The following COA1 variants were observed in gnomAD, a reference collection of about 807,000 sequenced individuals.
COA1 encodes cytochrome c oxidase assembly factor 1.
COA1 carries 13 observed loss-of-function variants against 16.0 expected under a neutral mutation model. The observed-to-expected ratio is 0.81, with a 90% CI of 0.53 to 1.29. The LOEUF is 1.29. COA1 is among the 50% of genes most tolerant of loss of function. The pLI, the probability that COA1 is intolerant of heterozygous loss-of-function variation, is 0.00. For synonymous variants in COA1, 65 were observed against 65.7 expected (o/e 0.99, Z 0.05); for missense variants, 179 against 177.0 (o/e 1.01, Z -0.06).
At chr7:43,611,574 G>A (rs2082881197) in intron 6 of COA1, among the ~76,000 whole-genome samples, 1 of 152,140 alleles carries the variant, frequency 6.6e-6, no homozygotes, top group East Asian at 1.9e-4. Flanking sequence ...TGCATAAGAA[G>A]TTCAAAGATC....
At chr7:43,613,717 G>A (rs10215302) in intron 6 of COA1, among the ~76,000 whole-genome samples, 22,987 of 152,008 alleles carry the variant, frequency 0.15, 2,196 homozygotes, top group Non-Finnish European at 0.21. Context: ...GGTGGCACGC[G>A]CCTTTAGTCC....
chr7:43,692,435 T>C (rs1585075801), intron 1 of COA1, among the ~76,000 whole-genome samples: 4 of 151,992 alleles, frequency 2.6e-5, no homozygotes, highest in South Asian at 4.1e-4. Context: ...GGAAGATCGA[T>C]TGAGCCCAGG....
chr7:43,704,651 A>G (rs2094897831), intron 1 of COA1, among the ~76,000 whole-genome samples: 1 of 152,056 alleles, frequency 6.6e-6, no homozygotes, highest in African/African-American at 2.4e-5. Context: ...GTAAATTTTC[A>G]TTTCTGGAAG....
At chr7:43,637,094 T>G (rs919985096), downstream of COA1, among the ~76,000 whole-genome samples, 2 of 152,192 alleles carry the variant, frequency 1.3e-5, no homozygotes, top group Non-Finnish European at 2.9e-5. Flanking sequence ...GTGCTCTCCA[T>G]CATGTCTGCT....
chr7:43,698,935 T>A (rs1055785683), intron 1 of COA1, among the ~76,000 whole-genome samples: 5 of 152,116 alleles, frequency 3.3e-5, no homozygotes, highest in Non-Finnish European at 5.9e-5. Context: ...CATTTGAAAA[T>A]CACAAGCCCT....
At chr7:43,616,753 C>T (rs529439039) in intron 6 of COA1, among the ~76,000 whole-genome samples, 9 of 151,840 alleles carry the variant, frequency 5.9e-5, no homozygotes, top group Admixed American at 3.3e-4. Flanking sequence ...AAAAATTAGC[C>T]GGGCGTGGTG....
chr7:43,723,179 G>A (rs1433793803), intron 1 of COA1, among the ~76,000 whole-genome samples: 1 of 152,168 alleles, frequency 6.6e-6, no homozygotes, highest in African/African-American at 2.4e-5. Context: ...AAGCCATCCT[G>A]TTCCCAGGAT....
chr7:43,610,821 A>G (rs2082803031), intron 6 of COA1, among the ~76,000 whole-genome samples: 1 of 151,924 alleles, frequency 6.6e-6, no homozygotes, highest in Admixed American at 6.6e-5. Context: ...CGCACTCTCA[A>G]GAAGGAGTGT....
intron 6 of COA1, among the ~76,000 whole-genome samples, chr7:43,611,228 AGTTTCCTACAGAAAAATTTACTC>A (rs2082849008): frequency 6.6e-6 from 1 of 152,252 alleles, no homozygotes; most frequent in Non-Finnish European, 1.5e-5. Flanking sequence ...TTTAAATACT[AGTTTCCTACAGAAAAATTTACTC>A]GTTTCCTACA....
At chr7:43,727,201 G>T (rs1353218477) in intron 1 of COA1, among the ~76,000 whole-genome samples, 2 of 152,178 alleles carry the variant, frequency 1.3e-5, no homozygotes, top group Admixed American at 1.3e-4. Flanking sequence ...GCTAGAATCA[G>T]AAAGACAGAT....
chr7:43,712,163 A>G (rs1176937803), intron 1 of COA1, among the ~76,000 whole-genome samples: 2 of 151,926 alleles, frequency 1.3e-5, no homozygotes, highest in Non-Finnish European at 2.9e-5. Context: ...CCCAGGCTGG[A>G]GTACAATGGC....
At chr7:43,609,929 A>G (rs1233390601) in intron 6 of COA1, among the ~76,000 whole-genome samples, 2 of 152,250 alleles carry the variant, frequency 1.3e-5, no homozygotes, top group East Asian at 1.9e-4. Context: ...TGACCCAGAC[A>G]TGAATCAGAA....
At chr7:43,659,014 G>C (rs2092140003) in intron 1 of COA1, 1 of 152,298 alleles carries the variant, frequency 6.6e-6, no homozygotes, top group Non-Finnish European at 1.5e-5. Context: ...GTTTCAATCA[G>C]GAAATGACAC....
intron 1 of COA1, among the ~76,000 whole-genome samples, chr7:43,687,922 C>T (rs1189794114): frequency 6.6e-6 from 1 of 152,132 alleles, no homozygotes. Flanking sequence ...GTGGGAGGGA[C>T]CCAGAGGGAG....
chr7:43,656,005 T>C (rs1460306579), intron 1 of COA1: 1 of 152,210 alleles, frequency 6.6e-6, no homozygotes, highest in East Asian at 1.9e-4. Context: ...ACTGTTCCAA[T>C]ATTCCAGTTG....
intron 1 of COA1, among the ~76,000 whole-genome samples, chr7:43,703,602 CTTT>C (rs995564141): frequency 4.6e-5 from 7 of 151,984 alleles, no homozygotes; most frequent in Non-Finnish European, 7.4e-5. Flanking sequence ...CTTCTTTGTC[CTTT>C]TTTATTATTA....
In COA1 at chr7:43,647,516, C is replaced by T. The variant is rs745585047; in HGVS notation, c.115+19G>A. 9 of 1,565,328 alleles carry T rather than the reference C, an allele frequency of 5.7e-6. No individual in the cohort carries two copies. The South Asian group carries it at 7.8e-5, about 14-fold the overall frequency. ...GGCTAGGAGGAGGTCAGGCCGCAGGCGGCTAGCAGGATACTTACTTTGAAT... is the reference window on the plus strand; with the variant it reads ...GGCTAGGAGGAGGTCAGGCCGCAGGTGGCTAGCAGGATACTTACTTTGAAT... On this transcript the variant is annotated intron_variant, in intron 3 of 5. Transcript: ENST00000223336.
chr7:43,627,975 T>TTTTTG (rs1047544365), intron 6 of COA1, among the ~76,000 whole-genome samples: 2 of 152,050 alleles, frequency 1.3e-5, no homozygotes, highest in Non-Finnish European at 2.9e-5. Flanking sequence ...TTGTTGCTTT[T>TTTTTG]TCTTGTTTTG....
In COA1 at chr7:43,624,774, G is replaced by A. The variant is rs753056472; in HGVS notation, c.*133+14675C>T. The A allele has an allele frequency of 2.5e-6, 4 of 1,612,738 alleles. No individual in the cohort carries two copies. In the South Asian group the frequency reaches 4.4e-5, roughly 18 times the overall value. On this transcript the variant is annotated intron_variant and NMD_transcript_variant, in intron 6 of 6. Coordinates refer to the COA1 transcript ENST00000415076. ...TGAAAAAGAGAAAATGGAGCAAAAG[G>A]CCATTTCCAAACGATTTAAATTTGA...
Sources: allele counts gnomAD v4.1 joint callset (sites outside exome capture counted in the v4.1 genomes callset), GRCh38; gene constraint gnomAD v4.1.1; transcripts MANE v1.5; gene names NCBI Gene and HGNC (gene_info 2026-07-23, HGNC 2026-07-21).